Variants in CEACAM5 observed in about 807,000 individuals in gnomAD.
CEACAM5 encodes CEA cell adhesion molecule 5, also known as cell adhesion molecule CEACAM5.
CEACAM5 carries 52 observed loss-of-function variants against 63.0 expected under a neutral mutation model. The ratio of observed to expected loss-of-function variants is 0.83; its 90% CI spans 0.66 to 1.04. The LOEUF (loss-of-function observed/expected upper bound fraction) is 1.04, where lower values mean the gene tolerates loss of function less well. Ranked by LOEUF, CEACAM5 falls within the 50% of genes least tolerant of loss-of-function variation. The pLI, the probability that CEACAM5 is intolerant of heterozygous loss-of-function variation, is 0.00. For synonymous variants in CEACAM5, 357 were observed against 351.3 expected (o/e 1.02, Z -0.18); for missense variants, 790 against 864.8 (o/e 0.91, Z 1.08).
At chr19:41,724,445 A>C (rs1180536900) in intron 8 of CEACAM5, among the ~76,000 whole-genome samples, 5 of 152,174 alleles carry the variant, frequency 3.3e-5, no homozygotes, top group Non-Finnish European at 5.9e-5. Context: ...TTGTTTGGCT[A>C]TTTAGAGTCC....
chr19:41,709,395 G>A (rs1555813476), intron 1 of CEACAM5, among the ~76,000 whole-genome samples: 1 of 152,200 alleles, frequency 6.6e-6, no homozygotes, highest in Non-Finnish European at 1.5e-5. Context: ...GATCTCCCAA[G>A]AATGCCCTGA....
chr19:41,712,761 C>T (rs2072455543), intron 2 of CEACAM5, among the ~76,000 whole-genome samples: 1 of 152,220 alleles, frequency 6.6e-6, no homozygotes, highest in African/African-American at 2.4e-5. Context: ...AGAAGTACTA[C>T]TTCCAGCAAT....
chr19:41,725,334 A>T (rs952000972), intron 8 of CEACAM5, among the ~76,000 whole-genome samples: 1 of 149,624 alleles, frequency 6.7e-6, no homozygotes, highest in African/African-American at 2.5e-5. Flanking sequence ...AATTTGTAGC[A>T]TTGGTAGCAA....
rs530661172 is a variant in CEACAM5 at position 41,711,609 on chromosome 19, G to A, written c.424+1570G>A. Among the ~76,000 whole-genome samples the A allele has an allele frequency of 3.3e-5, 5 of 152,196 alleles. No individual in the cohort carries two copies. In the East Asian group the frequency reaches 9.7e-4, roughly 29 times the overall value. On this transcript the variant is annotated intron_variant, in intron 2 of 9. Transcript: ENST00000221992. ...ACTCTGGGGTTCCTTGGCCATGGGA[G>A]GGTTTTCAAGGCTCCCTGGTCCTGG... is the stretch of plus-strand genomic sequence containing the variant.
At chr19:41,722,806 A>C (rs2122829422) in intron 8 of CEACAM5, among the ~76,000 whole-genome samples, 1 of 152,350 alleles carries the variant, frequency 6.6e-6, no homozygotes, top group East Asian at 1.9e-4. Flanking sequence ...ACATCAGTGT[A>C]CAAATATCTG....
intron 2 of CEACAM5, among the ~76,000 whole-genome samples, chr19:41,710,257 G>A (rs1426737505): frequency 1.3e-5 from 2 of 152,158 alleles, no homozygotes; most frequent in Admixed American, 6.5e-5. Flanking sequence ...GCAGAGGAAG[G>A]ACAGTCTGAT....
intron 2 of CEACAM5, among the ~76,000 whole-genome samples, chr19:41,714,523 T>A (rs1333126074): frequency 2.6e-5 from 4 of 152,212 alleles, no homozygotes; most frequent in African/African-American, 9.7e-5. Flanking sequence ...GACCCATCAC[T>A]ATCCATTTCT....
At chr19:41,720,818 C>A in intron 7 of CEACAM5, 104 bp from the exon 8 acceptor site, 3 of 1,449,506 alleles carry the variant, frequency 2.1e-6, no homozygotes, top group Non-Finnish European at 2.8e-6. Flanking sequence ...CTTTTTAACA[C>A]AGGATTGGGA....
rs1362594201 is a variant in CEACAM5 at position 41,714,892 on chromosome 19, G to T, written c.425-79G>T. On this transcript the variant is annotated intron_variant, in intron 2 of 9. Transcript: ENST00000221992. ...GCTCAGGTGGGCTGAGAGGTGGAAGGTGCCAACTCTGATTGAAAGATGCCT... is the reference window on the plus strand; with the variant it reads ...GCTCAGGTGGGCTGAGAGGTGGAAGTTGCCAACTCTGATTGAAAGATGCCT... The T allele has an allele frequency of 3.1e-6, 5 of 1,599,356 alleles. No individual in the cohort carries two copies. The Admixed American group carries it at 5.0e-5, about 16-fold the overall frequency.
rs2072742299 is a variant in CEACAM5, at chr19:41,729,346, T to TAC, written c.*199_*200insAC. On this transcript the variant is annotated 3_prime_UTR_variant, in exon 10 of 10. Coordinates refer to ENST00000221992, the MANE Select transcript of CEACAM5 (RefSeq NM_004363.6). ...CTAAAAATACAAAAATGAGCTGGGCTTGGTGGCGCACACCTGTAGTCCCAG... is the reference window on the plus strand; with the variant it reads ...CTAAAAATACAAAAATGAGCTGGGCTACTGGTGGCGCACACCTGTAGTCCCAG... The TAC allele has an allele frequency of 6.6e-6, 1 of 152,066 alleles. No homozygotes were observed. Among genetic ancestry groups the TAC allele is most frequent in the African/African-American group, 2.4e-5 (1 of 41,380 alleles). 9.4% of individuals were successfully genotyped at this position (152,066 alleles called of 1,614,324 possible). A position where few individuals can be genotyped will look rare whatever the true frequency, so the allele number is the denominator to read the frequency against.
At chr19:41,720,376 G>A (rs1444374680) in intron 7 of CEACAM5, among the ~76,000 whole-genome samples, 168 bp downstream of exon 7, 2 of 152,190 alleles carry the variant, frequency 1.3e-5, no homozygotes, top group Non-Finnish European at 2.9e-5. Context: ...CCTCAGCCTG[G>A]ACCAAGAATA....
At chr19:41,723,826 G>A (rs1330792919) in intron 8 of CEACAM5, among the ~76,000 whole-genome samples, 1 of 151,536 alleles carries the variant, frequency 6.6e-6, no homozygotes, top group Non-Finnish European at 1.5e-5. Flanking sequence ...GTGGGCGCCT[G>A]TAGTCCCAGC....
chr19:41,722,240 T>G (rs1406594463), intron 8 of CEACAM5, among the ~76,000 whole-genome samples: 2 of 151,158 alleles, frequency 1.3e-5, no homozygotes, highest in Non-Finnish European at 2.9e-5. Context: ...GGTGGGTGCC[T>G]GTAATCCCAG....
chr19:41,710,184 G>A, intron 2 of CEACAM5, 145 bp downstream of exon 2: 4 of 1,228,208 alleles, frequency 3.3e-6, no homozygotes, highest in Non-Finnish European at 4.6e-6. Flanking sequence ...GATACACACA[G>A]AAGAGACAAA....
chr19:41,708,671 A>C lies in CEACAM5; in HGVS notation c.-61A>C. The C allele has an allele frequency of 1.3e-6, 2 of 1,504,278 alleles. No individual in the cohort carries two copies. Among genetic ancestry groups the C allele is most frequent in the South Asian group, 2.3e-5 (2 of 85,956 alleles). 93.2% of individuals were successfully genotyped at this position (1,504,278 alleles called of 1,614,324 possible). ...ACCAGACAGTCACAGCAGCCTTGAC[A>C]AAACGTTCCTGGAACTCAAGCTCTT... On this transcript the variant is annotated 5_prime_UTR_variant, in exon 1 of 10. Coordinates refer to ENST00000221992, the MANE Select transcript of CEACAM5 (RefSeq NM_004363.6).
At chr19:41,708,900 G>T in intron 1 of CEACAM5, 105 bp downstream of exon 1, 1 of 763,102 alleles carries the variant, frequency 1.3e-6, no homozygotes, top group Non-Finnish European at 2.1e-6. Flanking sequence ...AGCCTGAATA[G>T]GGAAGAGGAC....
At chr19:41,726,098 T>C (rs1004182589) in intron 8 of CEACAM5, among the ~76,000 whole-genome samples, 12 of 152,260 alleles carry the variant, frequency 7.9e-5, no homozygotes, top group African/African-American at 2.4e-4. Context: ...AAAGATTTAA[T>C]GTAATATTCG....
chr19:41,717,856 G>A, intron 5 of CEACAM5, 123 bp downstream of exon 5: 1 of 1,288,904 alleles, frequency 7.8e-7, no homozygotes. Flanking sequence ...CATCCAGGCT[G>A]GCCCTACCCC....
chr19:41,716,632 C>T (rs1030423318), intron 4 of CEACAM5, among the ~76,000 whole-genome samples: 1 of 152,196 alleles, frequency 6.6e-6, no homozygotes, highest in Non-Finnish European at 1.5e-5. Flanking sequence ...ACATGGGACA[C>T]AGCACAGGGG....
Sources: gnomAD v4.1 joint callset for allele counts (sites outside exome capture counted in the v4.1 genomes callset) on GRCh38, gnomAD v4.1.1 for gene constraint, MANE v1.5 for transcripts, NCBI Gene and HGNC (gene_info 2026-07-23, HGNC 2026-07-21) for gene names.